The following CPSF6 variants were observed in gnomAD, a reference collection of about 807,000 sequenced individuals.
CPSF6 encodes cleavage and polyadenylation specific factor 6.
A neutral mutation model predicts 56.7 loss-of-function variants in CPSF6; 10 were observed. That is an observed-to-expected ratio of 0.18 (90% confidence interval 0.11 to 0.30). The LOEUF is 0.30. CPSF6 is among the 10% of genes least tolerant of loss of function. The pLI, the probability that CPSF6 is intolerant of heterozygous loss-of-function variation, is 1.00. For missense variants in CPSF6, 419 were observed against 722.9 expected (o/e 0.58, Z 4.82); for synonymous variants, 248 against 244.8 (o/e 1.01, Z -0.12).
chr12:69,256,137 G>A (rs1872498767), intron 3 of CPSF6, among the ~76,000 whole-genome samples: 1 of 152,156 alleles, frequency 6.6e-6, no homozygotes, highest in African/African-American at 2.4e-5. Flanking sequence ...ACCTCCTATT[G>A]TATGATTCCA....
chr12:69,252,208 G>T (rs118069635), intron 2 of CPSF6: 5,342 of 409,594 alleles, frequency 0.013, 67 homozygotes, highest in Non-Finnish European at 0.017. Flanking sequence ...CAAGTAGCTA[G>T]GACCACAGGC....
Position 69,253,073 on chromosome 12 carries a change from C to G in CPSF6, c.293C>G (p.Thr98Ser), listed in dbSNP as rs775074271. Residue 98 changes from threonine to serine, a missense_variant, in exon 3 of 10, where the codon ACT becomes AGT. Coordinates refer to ENST00000435070, the MANE Select transcript of CPSF6 (RefSeq NM_007007.3). ...CAGTGGACAACAGATGAAGACTTAACTGAAGCAGTTCATTCTTTGGGAGTA... is the reference window on the plus strand; with the variant it reads ...CAGTGGACAACAGATGAAGACTTAAGTGAAGCAGTTCATTCTTTGGGAGTA... ...LTWWTTDEDLTEAVHSLGVND... is the reference protein window; with the variant it reads ...LTWWTTDEDLSEAVHSLGVND... 2.5e-6 allele frequency: 4 copies of G among 1,582,342 alleles called. No individual in the cohort carries two copies. The highest frequency in any genetic ancestry group is 1.2e-5 in the South Asian group (1 of 84,324).
At chr12:69,257,690 AT>A (rs769039634) in intron 4 of CPSF6, 41 bp from the exon 5 acceptor site, 15 of 1,558,692 alleles carry the variant, frequency 9.6e-6, no homozygotes, top group Middle Eastern at 1.7e-4. Context: ...TCAGAAAACT[AT>A]TTTTAATAAG....
At chr12:69,240,616 C>T (rs1262247205) in intron 1 of CPSF6, among the ~76,000 whole-genome samples, 2 of 152,110 alleles carry the variant, frequency 1.3e-5, no homozygotes, top group Non-Finnish European at 2.9e-5. Context: ...ACCCCAAATC[C>T]TTATGATGTG....
intron 9 of CPSF6, among the ~76,000 whole-genome samples, chr12:69,267,668 CTG>C (rs1300663821): frequency 4.6e-5 from 7 of 151,772 alleles, no homozygotes; most frequent in African/African-American, 1.4e-4. Flanking sequence ...TCGTTTAAGA[CTG>C]TAAAATTTGT....
rs35061726 is a variant in CPSF6 at position 69,254,183 on chromosome 12, T to TAA, written c.374+1038_374+1039dup. Among the ~76,000 whole-genome samples the TAA allele has an allele frequency of 3.3e-3, 503 of 151,100 alleles. 3 individuals are homozygous for TAA. The highest frequency in any genetic ancestry group is 4.8e-3 in the Non-Finnish European group (325 of 67,674). On this transcript the variant is annotated intron_variant, in intron 3 of 9. Transcript: ENST00000435070. ...TCTGTACTCCACATAACAGAAGTTC[T>TAA]AAAAAAAAAATGACATTCTGCTCAA...
At chr12:69,261,337 C>T (rs1872732452) in intron 8 of CPSF6, among the ~76,000 whole-genome samples, 1 of 152,104 alleles carries the variant, frequency 6.6e-6, no homozygotes, top group Admixed American at 6.5e-5. Flanking sequence ...GAGACCAAGG[C>T]AGGAGGATCA....
intron 9 of CPSF6, among the ~76,000 whole-genome samples, chr12:69,263,595 G>A (rs896888230): frequency 2.0e-5 from 3 of 151,960 alleles, no homozygotes; most frequent in Non-Finnish European, 4.4e-5. Context: ...CTCTTTATGT[G>A]ATTATTTTCA....
At chr12:69,251,443 T>C in intron 2 of CPSF6, 105 bp downstream of exon 2, 1 of 761,446 alleles carries the variant, frequency 1.3e-6, no homozygotes, top group Non-Finnish European at 2.1e-6. Flanking sequence ...GTTACTGTGT[T>C]TTTCTATATG....
rs762488264 is a variant in CPSF6, at chr12:69,273,678, CTA to C, written c.*4172_*4173del. 2.0e-5 allele frequency: 3 copies of C among 151,846 alleles called. No individual in the cohort carries two copies. Among genetic ancestry groups the C allele is most frequent in the East Asian group, 1.9e-4 (1 of 5,202 alleles). 9.4% of individuals were successfully genotyped at this position (151,846 alleles called of 1,614,324 possible). A position where few individuals can be genotyped will look rare whatever the true frequency, so the allele number is the denominator to read the frequency against. On this transcript the variant is annotated 3_prime_UTR_variant, in exon 10 of 10. Coordinates refer to ENST00000435070, the MANE Select transcript of CPSF6 (RefSeq NM_007007.3). ...TGTAAGTTAAATTATTTTAAAATAA[CTA>C]TGGTGAATTCATGTTTATTTTTTTA...
intron 9 of CPSF6, among the ~76,000 whole-genome samples, chr12:69,264,665 A>AC (rs1872890234): frequency 6.6e-6 from 1 of 152,170 alleles, no homozygotes; most frequent in Non-Finnish European, 1.5e-5. Context: ...GAAAAATTTT[A>AC]CATAAGCATT....
At chr12:69,249,924 A>G (rs558274511) in intron 1 of CPSF6, among the ~76,000 whole-genome samples, 1 of 152,320 alleles carries the variant, frequency 6.6e-6, no homozygotes, top group African/African-American at 2.4e-5. Context: ...GACAGTGCCA[A>G]AGCTTTACTA....
chr12:69,244,586 C>G (rs987486973), intron 1 of CPSF6, among the ~76,000 whole-genome samples: 1 of 151,606 alleles, frequency 6.6e-6, no homozygotes, highest in Non-Finnish European at 1.5e-5. Flanking sequence ...TTAGAAGAGA[C>G]AAGGTCTTAC....
intron 1 of CPSF6, among the ~76,000 whole-genome samples, 182 bp downstream of exon 1, chr12:69,239,888 ACGGGCCGCGGGCGCGGCGAGTCGCCG>A (rs1473857556): frequency 2.0e-5 from 3 of 148,178 alleles, no homozygotes; most frequent in South Asian, 2.1e-4. Flanking sequence ...GCGTCGTTTC[ACGGGCCGCGGGCGCGGCGAGTCGCCG>A]CGGGGCCCGG....
Position 69,250,307 on chromosome 12 carries a change from T to TA in CPSF6, c.61-814dup, listed in dbSNP as rs906831373. Among the ~76,000 whole-genome samples the TA allele has an allele frequency of 9.9e-5, 15 of 152,040 alleles. No individual in the cohort carries two copies. In the East Asian group the frequency reaches 1.4e-3, roughly 14 times the overall value. On this transcript the variant is annotated intron_variant, in intron 1 of 9. Transcript: ENST00000435070. Reference sequence around the variant, plus strand: ...TGGGGTGATTTTTCTACTGTCAGTTTAAAAAAAACTTGTCTATTTGCATTT... The same window carrying TA: ...TGGGGTGATTTTTCTACTGTCAGTTTAAAAAAAAACTTGTCTATTTGCATTT...
At chr12:69,267,878 A>G (rs1873068211) in intron 9 of CPSF6, among the ~76,000 whole-genome samples, 1 of 151,954 alleles carries the variant, frequency 6.6e-6, no homozygotes, top group Admixed American at 6.6e-5. Context: ...GATTCTCTAT[A>G]TAAAAATAGT....
intron 1 of CPSF6, among the ~76,000 whole-genome samples, chr12:69,249,151 TCGGGG>T (rs1167086203): frequency 3.3e-4 from 7 of 21,364 alleles, no homozygotes; most frequent in Non-Finnish European, 4.8e-4. Context: ...TCCCAGCTAC[TCGGGG>T]GGGGGGGGGG....
chr12:69,264,322 G>A (rs1173094303), intron 9 of CPSF6, among the ~76,000 whole-genome samples: 2 of 152,040 alleles, frequency 1.3e-5, no homozygotes, highest in Admixed American at 1.3e-4. Context: ...TACAAAATTG[G>A]ATGTGCCCAT....
intron 1 of CPSF6, among the ~76,000 whole-genome samples, chr12:69,246,627 T>C (rs1354129468): frequency 1.3e-5 from 2 of 152,232 alleles, no homozygotes; most frequent in African/African-American, 4.8e-5. Flanking sequence ...TTTAAAAATG[T>C]ATGCATTAGG....
Sources: allele counts gnomAD v4.1 joint callset (sites outside exome capture counted in the v4.1 genomes callset), GRCh38; gene constraint gnomAD v4.1.1; transcripts MANE v1.5; gene names NCBI Gene and HGNC (gene_info 2026-07-23, HGNC 2026-07-21).